CSMD1: variants seen among roughly 807,000 people sequenced by gnomAD.
The protein encoded by CSMD1 is CUB and sushi domain-containing protein 1.
Under a neutral mutation model 417.5 loss-of-function variants are expected in CSMD1, and 213 were observed. The observed-to-expected ratio is 0.51, with a 90% CI of 0.46 to 0.57. The LOEUF (loss-of-function observed/expected upper bound fraction) is 0.57, where lower values mean the gene tolerates loss of function less well. CSMD1 is among the 20% of genes least tolerant of loss of function. The pLI is 0.00. For missense variants in CSMD1, 6,923 were observed against 4,529.7 expected (o/e 1.53, Z -15.17); for synonymous variants, 2,862 against 1,736.8 (o/e 1.65, Z -16.11).
intron 53 of CSMD1, among the ~76,000 whole-genome samples, chr8:2,999,296 C>A (rs1255179087): frequency 6.6e-6 from 1 of 151,828 alleles, no homozygotes; most frequent in East Asian, 1.9e-4. Flanking sequence ...GCTGGGATTA[C>A]AGATGTATGC....
chr8:4,564,970 G>T (rs1041205335), intron 2 of CSMD1, among the ~76,000 whole-genome samples: 1 of 152,076 alleles, frequency 6.6e-6, no homozygotes, highest in Non-Finnish European at 1.5e-5. Flanking sequence ...AAAGAATGTG[G>T]GTGCCTTGGC....
rs75625290 is a variant in CSMD1 at position 4,758,988 on chromosome 8, C to T, written c.86-121430G>A. On this transcript the variant is annotated intron_variant, in intron 1 of 69. Transcript: ENST00000635120. ...GCACAGAGTGAAGTGCATTGCATGA[C>T]TTTGTAAGAATGTCTTAAATAAGGT... Among the ~76,000 whole-genome samples, 704 of 145,722 alleles carry T rather than the reference C, an allele frequency of 4.8e-3. 9 individuals carry two copies. The highest frequency in any genetic ancestry group is 0.018 in the African/African-American group (676 of 37,140).
intron 50 of CSMD1, among the ~76,000 whole-genome samples, chr8:3,040,092 C>T (rs1305429916): frequency 6.6e-6 from 1 of 152,166 alleles, no homozygotes; most frequent in Non-Finnish European, 1.5e-5. Context: ...TCCTCTCTCT[C>T]ACCTCTACTT....
intron 1 of CSMD1, among the ~76,000 whole-genome samples, chr8:4,834,932 G>T (rs185788352): frequency 8.4e-6 from 1 of 119,200 alleles, no homozygotes; most frequent in African/African-American, 3.2e-5. Context: ...ACTCCAGCCT[G>T]GGCGACAGGG....
rs1445407473 is a variant in CSMD1, at chr8:2,985,308, C to T, written c.8378-6508G>A. 1.3e-5 allele frequency among the ~76,000 whole-genome samples: 2 copies of T among 151,952 alleles called. 1 individual carries two copies. Among genetic ancestry groups the T allele is most frequent in the Non-Finnish European group, 2.9e-5 (2 of 67,968 alleles). Reference sequence around the variant, plus strand: ...ACACGCAAAACACATGATATTTCCACATGTAAGTGAGGGAGGAGACTGTGG... The same window carrying T: ...ACACGCAAAACACATGATATTTCCATATGTAAGTGAGGGAGGAGACTGTGG... On this transcript the variant is annotated intron_variant, in intron 54 of 69. Coordinates refer to ENST00000635120, the MANE Select transcript of CSMD1 (RefSeq NM_033225.6).
chr8:3,396,528 C>G lies in CSMD1; in HGVS notation c.2406-147G>C, dbSNP rs1811712023. The G allele has an allele frequency of 1.0e-5, 6 of 589,208 alleles. No homozygotes were observed. The Admixed American group carries it at 2.0e-4, about 20-fold the overall frequency. 36.5% of individuals were successfully genotyped at this position (589,208 alleles called of 1,614,324 possible). A position where few individuals can be genotyped will look rare whatever the true frequency, so the allele number is the denominator to read the frequency against. ...ATTACATATGCTTAAAACTTGGGTA[C>G]AAATATAAGGATAGTATGTTCTTTT... On this transcript the variant is annotated intron_variant, in intron 16 of 69. Transcript: ENST00000635120.
chr8:4,609,965 G>A (rs975220533), intron 2 of CSMD1, among the ~76,000 whole-genome samples: 53 of 151,892 alleles, frequency 3.5e-4, no homozygotes, highest in African/African-American at 1.3e-3. Flanking sequence ...CTACCTAATT[G>A]GTAATTCCTT....
chr8:4,308,857 T>C (rs1054329014), intron 3 of CSMD1, among the ~76,000 whole-genome samples: 1 of 152,190 alleles, frequency 6.6e-6, no homozygotes, highest in African/African-American at 2.4e-5. Flanking sequence ...ATCAAAGGCA[T>C]GTAATGATTA....
intron 20 of CSMD1, among the ~76,000 whole-genome samples, chr8:3,361,667 A>AC (rs1381885501): frequency 1.3e-5 from 2 of 150,372 alleles, no homozygotes; most frequent in African/African-American, 4.9e-5. Flanking sequence ...AAAAAAAAAA[A>AC]AAAAACAAAC....
intron 2 of CSMD1, among the ~76,000 whole-genome samples, chr8:4,431,228 T>C (rs1395404711): frequency 6.6e-6 from 1 of 152,040 alleles, no homozygotes; most frequent in Non-Finnish European, 1.5e-5. Context: ...CTCAACAACA[T>C]TAAAAAAATA....
chr8:3,602,843 G>A (rs1346638117), intron 8 of CSMD1, among the ~76,000 whole-genome samples: 1 of 151,900 alleles, frequency 6.6e-6, no homozygotes, highest in Non-Finnish European at 1.5e-5. Context: ...CTGGGCTTTT[G>A]TTGATAATTC....
chr8:4,713,783 A>G (rs976129210), intron 1 of CSMD1, among the ~76,000 whole-genome samples: 5 of 152,138 alleles, frequency 3.3e-5, no homozygotes, highest in Non-Finnish European at 2.9e-5. Context: ...CTTGGGCTGG[A>G]GATCATTCTA....
At chr8:4,311,306 A>G (rs1265649849) in intron 3 of CSMD1, among the ~76,000 whole-genome samples, 1 of 152,244 alleles carries the variant, frequency 6.6e-6, no homozygotes, top group East Asian at 1.9e-4. Context: ...ACACCATGGA[A>G]TACTATGCAG....
At chr8:3,858,173 A>C (rs149073058) in intron 5 of CSMD1, among the ~76,000 whole-genome samples, 17 of 152,342 alleles carry the variant, frequency 1.1e-4, no homozygotes, top group Middle Eastern at 3.4e-3. Flanking sequence ...TTGTCAATTA[A>C]GTAATTTTTT....
chr8:4,559,015 C>T (rs1039923112), intron 2 of CSMD1, among the ~76,000 whole-genome samples: 9 of 152,024 alleles, frequency 5.9e-5, no homozygotes, highest in Admixed American at 2.6e-4. Flanking sequence ...GTACATTCAT[C>T]GTAGAGTTCT....
chr8:4,620,380 T>C (rs547844192), intron 2 of CSMD1, among the ~76,000 whole-genome samples: 103 of 151,734 alleles, frequency 6.8e-4, no homozygotes, highest in South Asian at 1.5e-3. Context: ...CCATTTTAAA[T>C]ATAAGGAATT....
chr8:3,538,228 T>C (rs769679618), intron 10 of CSMD1, among the ~76,000 whole-genome samples: 1 of 152,200 alleles, frequency 6.6e-6, no homozygotes. Flanking sequence ...TGGAACTGAG[T>C]AGCAATGGCA....
At chr8:3,802,549 GC>G (rs1800516495) in intron 5 of CSMD1, among the ~76,000 whole-genome samples, 1 of 152,042 alleles carries the variant, frequency 6.6e-6, no homozygotes, top group Non-Finnish European at 1.5e-5. Flanking sequence ...GAATAATTTT[GC>G]CACCTACTTA....
At chr8:3,417,879 C>T (rs1813256982) in intron 12 of CSMD1, among the ~76,000 whole-genome samples, 1 of 152,208 alleles carries the variant, frequency 6.6e-6, no homozygotes, top group African/African-American at 2.4e-5. Flanking sequence ...GGACGTGGCA[C>T]ATGCTCCCGG....
Sources: gnomAD v4.1 joint callset for allele counts (sites outside exome capture counted in the v4.1 genomes callset) on GRCh38, gnomAD v4.1.1 for gene constraint, MANE v1.5 for transcripts, NCBI Gene and HGNC (gene_info 2026-07-23, HGNC 2026-07-21) for gene names.